Variants in NPIPB15 observed in about 807,000 individuals in gnomAD.
NPIPB15 encodes nuclear pore complex interacting protein family member B15.
In NPIPB15, 5 loss-of-function variants were observed where a neutral mutation model predicts 35.9. The observed-to-expected ratio is 0.14, with a 90% CI of 0.07 to 0.29. The LOEUF (loss-of-function observed/expected upper bound fraction) is 0.29, where lower values mean the gene tolerates loss of function less well. Ranked by LOEUF, NPIPB15 falls within the 10% of genes least tolerant of loss-of-function variation. The pLI, the probability that NPIPB15 is intolerant of heterozygous loss-of-function variation, is 1.00. For synonymous variants in NPIPB15, 43 were observed against 182.0 expected (o/e 0.24, Z 6.15); for missense variants, 100 against 506.1 (o/e 0.20, Z 7.70).
intron 2 of NPIPB15, 51 bp from the exon 3 acceptor site, chr16:74,381,465 A>G (rs2011984051): frequency 1.2e-5 from 18 of 1,559,570 alleles, no homozygotes; most frequent in Non-Finnish European, 1.5e-5. Context: ...TCTGAGTGAA[A>G]TATTGTCGGT....
chr16:74,382,589 T>C (rs2012049069), intron 3 of NPIPB15, among the ~76,000 whole-genome samples: 1 of 152,282 alleles, frequency 6.6e-6, no homozygotes, highest in Admixed American at 6.5e-5. Flanking sequence ...TTTGAGCCTT[T>C]TTTCCTTTGG....
At position 74,377,274 on chromosome 16, in the gene NPIPB15, C is replaced by A. The variant is rs2011708144; in HGVS notation, c.-95C>A. ...TGTCGCCAAAAGTGACCTTGAGGAA[C>A]CCTGGGAGCTCAGGAAGGAAGGAGA... On this transcript the variant is annotated 5_prime_UTR_variant, in exon 1 of 8. Coordinates refer to ENST00000692376, the MANE Select transcript of NPIPB15 (RefSeq NM_001306094.2). Among the ~76,000 whole-genome samples, 1 of 151,454 alleles carries A rather than the reference C, an allele frequency of 6.6e-6. No individual in the cohort carries two copies. The highest frequency in any genetic ancestry group is 2.4e-5 in the African/African-American group (1 of 41,110).
At chr16:74,378,822 G>T (rs1270493068) in intron 2 of NPIPB15, among the ~76,000 whole-genome samples, 1 of 151,498 alleles carries the variant, frequency 6.6e-6, no homozygotes, top group East Asian at 1.9e-4. Context: ...ATTTATTTGA[G>T]ACAGTTTCTC....
Position 74,376,341 on chromosome 16 carries a change from C to T in NPIPB15, c.-1028C>T, listed in dbSNP as rs1442936270. Among the ~76,000 whole-genome samples the T allele has an allele frequency of 2.6e-5, 4 of 151,706 alleles. No homozygotes were observed. The highest frequency in any genetic ancestry group is 1.9e-4 in the East Asian group (1 of 5,166). On this transcript the variant is annotated 5_prime_UTR_variant, in exon 1 of 8. Coordinates refer to ENST00000692376, the MANE Select transcript of NPIPB15 (RefSeq NM_001306094.2). ...TGAGTTTGGGCACACTCTGTGTGAT[C>T]GGGCAGAAGGCCTGTGGGAAGTTCA...
chr16:74,388,019 C>T (rs2012365600), intron 5 of NPIPB15, among the ~76,000 whole-genome samples: 1 of 151,956 alleles, frequency 6.6e-6, no homozygotes, highest in Non-Finnish European at 1.5e-5. Context: ...GCCGTTGTCA[C>T]CTATTTTCAG....
chr16:74,376,428 T>C lies in NPIPB15; in HGVS notation c.-941T>C, dbSNP rs2011669106. Among the ~76,000 whole-genome samples, 1 of 151,080 alleles carries C rather than the reference T, an allele frequency of 6.6e-6. No homozygotes were observed. Among genetic ancestry groups the C allele is most frequent in the South Asian group, 2.1e-4 (1 of 4,804 alleles). ...GGGTCTGTCCTGGTCACCAGACCCC[T>C]GGGTCCTGCCCACCTGCTTGGAGCT... On this transcript the variant is annotated 5_prime_UTR_variant, in exon 1 of 8. Transcript: ENST00000692376.
In NPIPB15 at chr16:74,377,279, G is replaced by A. The variant is rs2011708339; in HGVS notation, c.-90G>A. Among the ~76,000 whole-genome samples the A allele has an allele frequency of 6.6e-6, 1 of 151,568 alleles. No homozygotes were observed. Among genetic ancestry groups the A allele is most frequent in the South Asian group, 2.1e-4 (1 of 4,798 alleles). ...CCAAAAGTGACCTTGAGGAACCCTG[G>A]GAGCTCAGGAAGGAAGGAGAGCCCA... is the stretch of plus-strand genomic sequence containing the variant. On this transcript the variant is annotated 5_prime_UTR_variant, in exon 1 of 8. Transcript: ENST00000692376.
chr16:74,385,984 CCTTT>C (rs1372586254), intron 5 of NPIPB15, among the ~76,000 whole-genome samples: 4 of 131,096 alleles, frequency 3.1e-5, no homozygotes, highest in East Asian at 3.0e-4. Flanking sequence ...CATTGGTTTT[CCTTT>C]CTCTCTTTTT....
At chr16:74,384,657 G>A (rs1284978981) in intron 3 of NPIPB15, among the ~76,000 whole-genome samples, 6 of 142,166 alleles carry the variant, frequency 4.2e-5, no homozygotes, top group East Asian at 2.3e-4. Flanking sequence ...GTGAGCTACC[G>A]CACCTGGCCT....
At chr16:74,381,148 CAAA>C (rs1166274271) in intron 2 of NPIPB15, among the ~76,000 whole-genome samples, 13 of 74,250 alleles carry the variant, frequency 1.8e-4, no homozygotes, top group South Asian at 4.2e-4. Context: ...ACTCTGTCTC[CAAA>C]AAAAAAAAAA....
At position 74,376,692 on chromosome 16, in the gene NPIPB15, A is replaced by C. The variant is rs2011679618; in HGVS notation, c.-677A>C. ...ACATCATCACTCGGTTTCAGATGTT[A>C]AAATGTCTAGGTGGGTTAGGGGTGA... is the stretch of plus-strand genomic sequence containing the variant. On this transcript the variant is annotated 5_prime_UTR_variant, in exon 1 of 8. Coordinates refer to ENST00000692376, the MANE Select transcript of NPIPB15 (RefSeq NM_001306094.2). 6.6e-6 allele frequency among the ~76,000 whole-genome samples: 1 copy of C among 152,136 alleles called. No homozygotes were observed. The highest frequency in any genetic ancestry group is 1.5e-5 in the Non-Finnish European group (1 of 68,032).
chr16:74,377,404 G>C (rs2011715324), intron 1 of NPIPB15, among the ~76,000 whole-genome samples, 58 bp downstream of exon 1: 2 of 151,904 alleles, frequency 1.3e-5, no homozygotes, highest in Non-Finnish European at 2.9e-5. Flanking sequence ...GACTGAGATG[G>C]GGGAGGGGTC....
chr16:74,379,971 T>A (rs1325342048), intron 2 of NPIPB15, among the ~76,000 whole-genome samples: 2 of 145,876 alleles, frequency 1.4e-5, no homozygotes, highest in Non-Finnish European at 3.0e-5. Context: ...TTTTTTTTTT[T>A]ACTTATGCTG....
Position 74,391,982 on chromosome 16 carries a change from C to A in NPIPB15, c.1234C>A (p.His412Asn), listed in dbSNP as rs2012601063. The A allele has an allele frequency of 6.5e-7, 1 of 1,550,292 alleles. No homozygotes were observed. The highest frequency in any genetic ancestry group is 8.7e-7 in the Non-Finnish European group (1 of 1,146,508). ...RRRLSKLRTR[H>N]CTQAWAIRIN... ...GAGGTTGAGTAAGCTGAGAACACGC[C>A]ATTGCACTCAAGCCTGGGCAATAAG... The change falls in exon 8 of 8, where the codon CAT (histidine) becomes AAT (asparagine). Residue 412 changes from histidine (H) to asparagine (N), a missense_variant. Transcript: ENST00000692376.
At position 74,376,313 on chromosome 16, in the gene NPIPB15, G is replaced by A. The variant is rs1465069847; in HGVS notation, c.-1056G>A. Among the ~76,000 whole-genome samples the A allele has an allele frequency of 6.6e-6, 1 of 151,322 alleles. No individual in the cohort carries two copies. Among genetic ancestry groups the A allele is most frequent in the African/African-American group, 2.4e-5 (1 of 41,096 alleles). ...AGTGGTTTTCAGCTGCCAGAGGCCTGAGTGAGTTTGGGCACACTCTGTGTG... is the reference window on the plus strand; with the variant it reads ...AGTGGTTTTCAGCTGCCAGAGGCCTAAGTGAGTTTGGGCACACTCTGTGTG... On this transcript the variant is annotated 5_prime_UTR_variant, in exon 1 of 8. Coordinates refer to ENST00000692376, the MANE Select transcript of NPIPB15 (RefSeq NM_001306094.2).
intron 5 of NPIPB15, among the ~76,000 whole-genome samples, chr16:74,387,690 A>G (rs2012349049): frequency 6.6e-6 from 1 of 152,044 alleles, no homozygotes; most frequent in Non-Finnish European, 1.5e-5. Flanking sequence ...CTCCCATTGC[A>G]TTCTCAGCAC....
intron 5 of NPIPB15, chr16:74,388,875 C>A: frequency 2.1e-6 from 2 of 957,728 alleles, no homozygotes; most frequent in South Asian, 4.8e-5. Context: ...TGTTTATAAC[C>A]TCTGTACAAT....
intron 5 of NPIPB15, among the ~76,000 whole-genome samples, chr16:74,389,513 C>T (rs1362774284): frequency 2.1e-5 from 3 of 142,948 alleles, no homozygotes; most frequent in East Asian, 2.3e-4. Flanking sequence ...GCTGGGATTA[C>T]AGGTGCCTGC....
At chr16:74,385,968 TAC>T (rs2012258290) in intron 5 of NPIPB15, among the ~76,000 whole-genome samples, 1 of 130,812 alleles carries the variant, frequency 7.6e-6, no homozygotes, top group Non-Finnish European at 1.6e-5. Flanking sequence ...GAGTTGCTAG[TAC>T]TGGCATTGGT....
Sources: allele counts gnomAD v4.1 joint callset (sites outside exome capture counted in the v4.1 genomes callset), GRCh38; gene constraint gnomAD v4.1.1; transcripts MANE v1.5; gene names NCBI Gene and HGNC (gene_info 2026-07-23, HGNC 2026-07-21).